Variants in CHL1 observed in about 807,000 individuals in gnomAD.
The protein encoded by CHL1 is cell adhesion molecule L1 like.
A neutral mutation model predicts 141.9 loss-of-function variants in CHL1; 96 were observed. The observed-to-expected ratio is 0.68, with a 90% confidence interval of 0.57 to 0.80. The LOEUF (loss-of-function observed/expected upper bound fraction) is 0.80, where lower values mean the gene tolerates loss of function less well. Ranked by LOEUF, CHL1 falls within the 30% of genes least tolerant of loss-of-function variation. The probability of loss-of-function intolerance (pLI) is 0.00; values close to 1 mark genes in which losing one functional copy is unlikely to be tolerated. For synonymous variants in CHL1, 613 were observed against 502.2 expected (o/e 1.22, Z -2.95); for missense variants, 1,820 against 1,457.2 (o/e 1.25, Z -4.05).
intron 1 of CHL1, among the ~76,000 whole-genome samples, chr3:205,728 C>T (rs1200781882): frequency 3.3e-5 from 5 of 152,076 alleles, no homozygotes; most frequent in African/African-American, 4.8e-5. Context: ...TTTTATTGAT[C>T]GCCACTTTGT....
chr3:277,045 C>T (rs1330745446), intron 2 of CHL1, among the ~76,000 whole-genome samples: 1 of 151,916 alleles, frequency 6.6e-6, no homozygotes, highest in African/African-American at 2.4e-5. Flanking sequence ...ATGATTGTAC[C>T]TGCCTCATAG....
Position 296,323 on chromosome 3 carries a change from A to G in CHL1, c.-94-23360A>G, listed in dbSNP as rs182883947. 1.6e-4 allele frequency among the ~76,000 whole-genome samples: 25 copies of G among 152,284 alleles called. 1 individual carries two copies. Among genetic ancestry groups the G allele is most frequent in the Admixed American group, 1.6e-3 (25 of 15,290 alleles). The stretch of plus-strand genomic sequence containing the variant: ...ATAAAAACTGAACTCAAGCTACCTA[A>G]TACAAATGGAATTTACTATTTTATA... On this transcript the variant is annotated intron_variant, in intron 2 of 27. Transcript: ENST00000256509.
intron 2 of CHL1, among the ~76,000 whole-genome samples, chr3:277,627 A>G (rs190214261): frequency 6.6e-6 from 1 of 152,352 alleles, no homozygotes; most frequent in East Asian, 1.9e-4. Context: ...AAAATGCAAA[A>G]AAAGGGCATT....
At chr3:352,313 A>G (rs1703337833) in intron 10 of CHL1, among the ~76,000 whole-genome samples, 1 of 152,188 alleles carries the variant, frequency 6.6e-6, no homozygotes, top group African/African-American at 2.4e-5. Flanking sequence ...AAACAGTTTT[A>G]CTAAAAATAA....
At chr3:342,889 A>G (rs1702449508) in intron 7 of CHL1, 95 bp from the exon 8 acceptor site, 2 of 952,032 alleles carry the variant, frequency 2.1e-6, no homozygotes, top group South Asian at 3.5e-5. Context: ...ATCATTTTGT[A>G]ATTTTTCTAA....
At chr3:343,293 G>A (rs1702486372) in intron 8 of CHL1, among the ~76,000 whole-genome samples, 1 of 152,092 alleles carries the variant, frequency 6.6e-6, no homozygotes, top group South Asian at 2.1e-4. Flanking sequence ...ATTTAATGGA[G>A]TAATTATTTT....
intron 2 of CHL1, among the ~76,000 whole-genome samples, chr3:296,490 G>T (rs1274786564): frequency 6.6e-6 from 1 of 151,622 alleles, no homozygotes; most frequent in South Asian, 2.1e-4. Flanking sequence ...ACCTCTTCAT[G>T]AATTTAGAAC....
At chr3:399,214 A>T (rs1037408965) in intron 26 of CHL1, 66 bp downstream of exon 26, 1 of 1,388,580 alleles carries the variant, frequency 7.2e-7, no homozygotes, top group Non-Finnish European at 1.0e-6. Context: ...CATTCTTCAG[A>T]GACAACTTTT....
At position 270,340 on chromosome 3, in the gene CHL1, G is replaced by A. The variant is rs187052373; in HGVS notation, c.-95+25648G>A. ...ACAGCTGGATTAGAGAACTCTATGAGGCTTCACATGTTATTTTTCCTGAAT... is the reference window on the plus strand; with the variant it reads ...ACAGCTGGATTAGAGAACTCTATGAAGCTTCACATGTTATTTTTCCTGAAT... On this transcript the variant is annotated intron_variant, in intron 2 of 27. Transcript: ENST00000256509. Among the ~76,000 whole-genome samples the A allele has an allele frequency of 5.5e-4, 83 of 152,244 alleles. No individual in the cohort carries two copies. In the East Asian group the frequency reaches 0.014, roughly 26 times the overall value.
At chr3:225,449 C>A (rs533179974) in intron 1 of CHL1, among the ~76,000 whole-genome samples, 1 of 152,228 alleles carries the variant, frequency 6.6e-6, no homozygotes, top group South Asian at 2.1e-4. Flanking sequence ...AGAGAGACAT[C>A]CAATAAGGTA....
intron 5 of CHL1, among the ~76,000 whole-genome samples, chr3:337,352 G>A (rs962157529): frequency 2.4e-4 from 26 of 106,240 alleles, no homozygotes; most frequent in Admixed American, 9.5e-4. Flanking sequence ...CACCACGCCC[G>A]GCTAATTTTT....
Position 386,208 on chromosome 3 carries a change from GAAA to G in CHL1, c.2247+2337_2247+2339del, listed in dbSNP as rs11359398. Among the ~76,000 whole-genome samples, 368 of 120,802 alleles carry G rather than the reference GAAA, an allele frequency of 3.0e-3. 1 individual carries two copies. Among genetic ancestry groups the G allele is most frequent in the African/African-American group, 9.8e-3 (341 of 34,876 alleles). The allele number at this position is 120,802 out of a possible 152,430, so 79.3% of individuals were successfully genotyped here. A position where few individuals can be genotyped will look rare whatever the true frequency, so the allele number is the denominator to read the frequency against. On this transcript the variant is annotated intron_variant, in intron 19 of 27. Coordinates refer to ENST00000256509, the MANE Select transcript of CHL1 (RefSeq NM_006614.4). The stretch of plus-strand genomic sequence containing the variant: ...GATAATGGTCAGAGGGACATAATTT[GAAA>G]AAAAAAAAAAAAAAGCTGATCTTTC...
intron 1 of CHL1, among the ~76,000 whole-genome samples, chr3:221,732 T>C (rs900597287): frequency 1.3e-5 from 2 of 152,242 alleles, no homozygotes. Flanking sequence ...CATTGAAATA[T>C]AGATGTGCAC....
At chr3:209,924 G>A (rs957163656) in intron 1 of CHL1, among the ~76,000 whole-genome samples, 2 of 152,208 alleles carry the variant, frequency 1.3e-5, no homozygotes, top group East Asian at 1.9e-4. Flanking sequence ...ATCACTTAGG[G>A]AGACTGTTTG....
At chr3:200,621 CTGTT>C (rs1698838919) in intron 1 of CHL1, among the ~76,000 whole-genome samples, 1 of 152,254 alleles carries the variant, frequency 6.6e-6, no homozygotes, top group South Asian at 2.1e-4. Context: ...AATATTCTTT[CTGTT>C]TGTTCCTGGA....
chr3:243,562 A>G (rs1029965827), intron 1 of CHL1, among the ~76,000 whole-genome samples: 1 of 152,200 alleles, frequency 6.6e-6, no homozygotes, highest in Non-Finnish European at 1.5e-5. Flanking sequence ...GACTTTTCTT[A>G]TACTTGCCAG....
At chr3:379,724 G>T (rs900078971) in intron 16 of CHL1, among the ~76,000 whole-genome samples, 2 of 151,778 alleles carry the variant, frequency 1.3e-5, no homozygotes, top group African/African-American at 4.8e-5. Context: ...ATATGTACTG[G>T]TTATATACGC....
Position 401,710 on chromosome 3 carries a change from G to A in CHL1, c.3458+12G>A. Reference sequence around the variant, plus strand: ...TTTGGTGAATACAGGTAAACATAAGGTTCTGTTGTAAAATAAAACACATAT... The same window carrying A: ...TTTGGTGAATACAGGTAAACATAAGATTCTGTTGTAAAATAAAACACATAT... On this transcript the variant is annotated intron_variant, in intron 27 of 27. Transcript: ENST00000256509. The A allele has an allele frequency of 6.8e-7, 1 of 1,481,396 alleles. No homozygotes were observed. The highest frequency in any genetic ancestry group is 9.2e-7 in the Non-Finnish European group (1 of 1,085,408). The allele number at this position is 1,481,396 out of a possible 1,614,324, so 91.8% of individuals were successfully genotyped here. A position where few individuals can be genotyped will look rare whatever the true frequency, so the allele number is the denominator to read the frequency against.
intron 14 of CHL1, among the ~76,000 whole-genome samples, chr3:364,884 A>T (rs146050750): frequency 1.3e-5 from 2 of 152,356 alleles, no homozygotes; most frequent in African/African-American, 4.8e-5. Flanking sequence ...CACAATGAAT[A>T]TGCATTACTT....
Sources: allele counts gnomAD v4.1 joint callset (sites outside exome capture counted in the v4.1 genomes callset), GRCh38; gene constraint gnomAD v4.1.1; transcripts MANE v1.5; gene names NCBI Gene and HGNC (gene_info 2026-07-23, HGNC 2026-07-21).